Variants in DCC observed in about 807,000 individuals in gnomAD.
DCC encodes the protein DCC netrin 1 receptor.
Under a neutral mutation model 172.5 loss-of-function variants are expected in DCC, and 58 were observed. The observed-to-expected ratio is 0.34, with a 90% CI of 0.27 to 0.42. The LOEUF (loss-of-function observed/expected upper bound fraction) is 0.42, where lower values mean the gene tolerates loss of function less well. Ranked by LOEUF, DCC falls within the 10% of genes least tolerant of loss-of-function variation. DCC has a pLI of 1.00. For missense variants in DCC, 1,740 were observed against 1,791.0 expected, an observed-to-expected ratio of 0.97 and a Z score of 0.51; for synonymous variants, 709 against 644.5, an observed-to-expected ratio of 1.10 and a Z score of -1.52.
Position 53,061,042 on chromosome 18 carries a change from G to A in DCC, c.986-2263G>A, listed in dbSNP as rs1047204176. ...AATAATTATGTTTGCTACCAGTGAT[G>A]TATTGTAATATATTTTTGCATTTAT... On this transcript the variant is annotated intron_variant, in intron 5 of 28. Transcript: ENST00000442544. Among the ~76,000 whole-genome samples, 3 of 152,140 alleles carry A rather than the reference G, an allele frequency of 2.0e-5. No individual in the cohort carries two copies. In the East Asian group the frequency reaches 5.8e-4, roughly 29 times the overall value.
chr18:53,140,987 G>T (rs2043821733), intron 7 of DCC, among the ~76,000 whole-genome samples: 1 of 152,034 alleles, frequency 6.6e-6, no homozygotes, highest in Non-Finnish European at 1.5e-5. Flanking sequence ...GGCACAAGAA[G>T]TTCCTCAATA....
At chr18:53,052,256 A>G (rs1429776282) in intron 5 of DCC, among the ~76,000 whole-genome samples, 1 of 151,986 alleles carries the variant, frequency 6.6e-6, no homozygotes, top group Non-Finnish European at 1.5e-5. Flanking sequence ...CTCTAGCTCT[A>G]TTGAATTTAT....
chr18:53,410,409 C>A, intron 19 of DCC, 43 bp from the exon 20 acceptor site: 1 of 1,216,052 alleles, frequency 8.2e-7, no homozygotes, highest in Non-Finnish European at 1.2e-6. Flanking sequence ...AGAACTGCAG[C>A]GTGTAGGACA....
chr18:52,730,947 G>A lies in DCC; in HGVS notation c.92-21107G>A, dbSNP rs188838585. On this transcript the variant is annotated intron_variant, in intron 1 of 28. Transcript: ENST00000442544. Reference sequence around the variant, plus strand: ...CATTATATCCTGTTGCAAACAAACCGCTAGACTGACAATACCACCCAATAA... The same window carrying A: ...CATTATATCCTGTTGCAAACAAACCACTAGACTGACAATACCACCCAATAA... Among the ~76,000 whole-genome samples, 10 of 152,216 alleles carry A rather than the reference G, an allele frequency of 6.6e-5. No individual in the cohort carries two copies. The East Asian group carries it at 7.7e-4, about 12-fold the overall frequency.
Position 53,467,946 on chromosome 18 carries a change from G to T in DCC, c.3672G>T (p.Leu1224=), listed in dbSNP as rs1042958706. 6.2e-7 allele frequency: 1 copy of T among 1,613,354 alleles called. No homozygotes were observed. The highest frequency in any genetic ancestry group is 8.5e-7 in the Non-Finnish European group (1 of 1,179,406). Residue 1224 remains leucine (L), a synonymous_variant, in exon 25 of 29, where the codon CTG becomes CTT. Transcript: ENST00000442544. The part of the protein sequence containing the change: ...GSSMSTLERS[L]AARRAPRAKL... Reference sequence around the variant, plus strand: ...CTATGTCCACTCTGGAGAGGTCGCTGGCTGCACGCCGAGCCCCCCGGGCCA... The same window carrying T: ...CTATGTCCACTCTGGAGAGGTCGCTTGCTGCACGCCGAGCCCCCCGGGCCA...
chr18:53,183,350 A>T (rs1456757323), intron 9 of DCC, among the ~76,000 whole-genome samples: 1 of 152,152 alleles, frequency 6.6e-6, no homozygotes, highest in African/African-American at 2.4e-5. Flanking sequence ...TTCCTTTGCT[A>T]AACCCTTGCC....
rs565949369 is a variant in DCC, at chr18:53,382,956, C to T, written c.2360-3087C>T. On this transcript the variant is annotated intron_variant, in intron 15 of 28. Coordinates refer to ENST00000442544, the MANE Select transcript of DCC (RefSeq NM_005215.4). ...TAGATGTCTATCAGAGATAAATACA[C>T]TCATTTTTAAGGCTTTTTTATTTTG... 7.9e-5 allele frequency among the ~76,000 whole-genome samples: 12 copies of T among 152,224 alleles called. No homozygotes were observed. In the South Asian group the frequency reaches 2.5e-3, roughly 32 times the overall value.
chr18:52,883,350 A>T (rs12953545), intron 2 of DCC, among the ~76,000 whole-genome samples: 2 of 34,102 alleles, frequency 5.9e-5, no homozygotes, highest in Non-Finnish European at 8.8e-5. Context: ...TTATTTATTT[A>T]TGTGTGTGTG....
intron 26 of DCC, among the ~76,000 whole-genome samples, chr18:53,489,200 G>C (rs4510099): frequency 0.86 from 130,501 of 152,194 alleles, 56,170 homozygotes; most frequent in Non-Finnish European, 0.88. Flanking sequence ...TATCTAAAAT[G>C]AAAAGGCATT....
intron 21 of DCC, among the ~76,000 whole-genome samples, chr18:53,433,040 A>G (rs1328100901): frequency 1.3e-5 from 2 of 152,022 alleles, no homozygotes; most frequent in Non-Finnish European, 2.9e-5. Flanking sequence ...GAATTACATG[A>G]TTTCCTTTTG....
intron 1 of DCC, among the ~76,000 whole-genome samples, chr18:52,361,975 C>G (rs1313935217): frequency 6.6e-6 from 1 of 152,188 alleles, no homozygotes; most frequent in Non-Finnish European, 1.5e-5. Context: ...CTATTCTCTT[C>G]ATTTAGGTCA....
intron 1 of DCC, among the ~76,000 whole-genome samples, chr18:52,665,804 T>A (rs185775588): frequency 6.6e-6 from 1 of 152,302 alleles, no homozygotes; most frequent in Non-Finnish European, 1.5e-5. Context: ...GAGAACAATT[T>A]TTTTCTCTGC....
At chr18:53,475,908 G>C (rs754081102) in intron 25 of DCC, among the ~76,000 whole-genome samples, 2 of 152,176 alleles carry the variant, frequency 1.3e-5, no homozygotes, top group Non-Finnish European at 2.9e-5. Context: ...GATGTACCCT[G>C]CAGAGCCACA....
intron 5 of DCC, among the ~76,000 whole-genome samples, chr18:53,007,192 G>A (rs912004394): frequency 1.3e-5 from 2 of 152,136 alleles, no homozygotes; most frequent in African/African-American, 4.8e-5. Context: ...AGTCTTTGTT[G>A]GAAAAGCATT....
chr18:53,265,675 G>A (rs1026093012), intron 12 of DCC, among the ~76,000 whole-genome samples: 1 of 152,180 alleles, frequency 6.6e-6, no homozygotes, highest in African/African-American at 2.4e-5. Context: ...AACTTATCAT[G>A]GAAAAATGCC....
At chr18:53,281,928 T>C (rs992501930) in intron 12 of DCC, among the ~76,000 whole-genome samples, 1 of 152,074 alleles carries the variant, frequency 6.6e-6, no homozygotes. Flanking sequence ...TAGGATAAAG[T>C]GAGAGATCTT....
At chr18:53,123,953 CA>C (rs1416522855) in intron 7 of DCC, among the ~76,000 whole-genome samples, 1 of 152,020 alleles carries the variant, frequency 6.6e-6, no homozygotes, top group African/African-American at 2.4e-5. Flanking sequence ...ACATCAGGAA[CA>C]TATCAGATGA....
intron 1 of DCC, among the ~76,000 whole-genome samples, chr18:52,343,948 T>TG (rs72532238): frequency 0.85 from 129,952 of 152,144 alleles, 55,573 homozygotes; most frequent in East Asian, 0.89. Flanking sequence ...AAATCACCAG[T>TG]ACCTGTCAGT....
chr18:52,427,997 T>C (rs1173739668), intron 1 of DCC, among the ~76,000 whole-genome samples: 1 of 152,002 alleles, frequency 6.6e-6, no homozygotes, highest in Non-Finnish European at 1.5e-5. Flanking sequence ...AAGTCACGTC[T>C]CTAGGACCAA....
Sources: allele counts gnomAD v4.1 joint callset (sites outside exome capture counted in the v4.1 genomes callset), GRCh38; gene constraint gnomAD v4.1.1; transcripts MANE v1.5; gene names NCBI Gene and HGNC (gene_info 2026-07-23, HGNC 2026-07-21).